CCSER1: variants seen among roughly 807,000 people sequenced by gnomAD.
CCSER1 encodes coiled-coil serine rich protein 1.
A neutral mutation model predicts 82.0 loss-of-function variants in CCSER1; 41 were observed. The observed-to-expected ratio is 0.50, with a 90% CI of 0.39 to 0.65. CCSER1 has a LOEUF of 0.65. Among genes scored for constraint, CCSER1 ranks in the 30% least tolerant of loss-of-function variants. The pLI is 0.00. For missense variants in CCSER1, 1,119 were observed against 1,064.2 expected, an observed-to-expected ratio of 1.05 and a Z score of -0.72; for synonymous variants, 414 against 383.9, an observed-to-expected ratio of 1.08 and a Z score of -0.92.
At chr4:90,553,066 G>T (rs76140039) in intron 5 of CCSER1, among the ~76,000 whole-genome samples, 4,592 of 151,954 alleles carry the variant, frequency 0.03, 100 homozygotes, top group South Asian at 0.095. Context: ...CACCTCCCGG[G>T]TTCAAGAGAT....
chr4:90,401,877 A>G (rs1299567851), intron 4 of CCSER1, among the ~76,000 whole-genome samples: 1 of 152,166 alleles, frequency 6.6e-6, no homozygotes, highest in African/African-American at 2.4e-5. Flanking sequence ...TCAAGGATGG[A>G]TTAGATAGGG....
chr4:90,796,374 TTTC>T (rs1756030010), intron 7 of CCSER1, among the ~76,000 whole-genome samples: 2 of 151,628 alleles, frequency 1.3e-5, no homozygotes, highest in African/African-American at 4.8e-5. Flanking sequence ...TATTATCTCT[TTTC>T]TTCATTAGTG....
chr4:90,837,662 T>C (rs949396142), intron 8 of CCSER1, among the ~76,000 whole-genome samples: 1 of 152,318 alleles, frequency 6.6e-6, no homozygotes, highest in South Asian at 2.1e-4. Context: ...TGTAATATTC[T>C]AAGACATTGG....
intron 5 of CCSER1, among the ~76,000 whole-genome samples, chr4:90,581,787 A>G (rs758359122): frequency 1.3e-5 from 2 of 152,120 alleles, no homozygotes; most frequent in Non-Finnish European, 2.9e-5. Context: ...TTGTTCTTTG[A>G]AAGAGAACTT....
chr4:90,480,204 G>A (rs928907435), intron 5 of CCSER1, among the ~76,000 whole-genome samples: 54 of 152,054 alleles, frequency 3.6e-4, no homozygotes, highest in African/African-American at 1.2e-3. Flanking sequence ...CATATCCTTC[G>A]ACCACTTTTT....
Position 90,733,987 on chromosome 4 carries a change from G to A in CCSER1, c.2010+9996G>A, listed in dbSNP as rs2203412. 4.6e-3 allele frequency among the ~76,000 whole-genome samples: 692 copies of A among 151,912 alleles called. 7 individuals are homozygous for A. The highest frequency in any genetic ancestry group is 0.016 in the African/African-American group (660 of 41,464). On this transcript the variant is annotated intron_variant, in intron 7 of 10. Transcript: ENST00000509176. ...CCTCCAATTTTGTTCTTTTTGCTCA[G>A]GATAGCTTTGGCTATTCTGGGTCTT... is the stretch of plus-strand genomic sequence containing the variant.
At position 90,766,649 on chromosome 4, in the gene CCSER1, AT is replaced by A. The variant is rs200292597; in HGVS notation, c.2010+42659del. 7.7e-4 allele frequency among the ~76,000 whole-genome samples: 117 copies of A among 152,160 alleles called. 1 individual carries two copies. The East Asian group carries it at 0.021, about 28-fold the overall frequency. On this transcript the variant is annotated intron_variant, in intron 7 of 10. Coordinates refer to ENST00000509176, the MANE Select transcript of CCSER1 (RefSeq NM_001145065.2). ...GAACCTGTTTCTAAAAAATAAAAAA[AT>A]ATATATATAAGCAAAATTACCTTGT...
At chr4:90,746,073 A>C (rs373599162) in intron 7 of CCSER1, among the ~76,000 whole-genome samples, 54 of 152,208 alleles carry the variant, frequency 3.5e-4, no homozygotes, top group East Asian at 3.1e-3. Flanking sequence ...GCCCAATTCA[A>C]TGCCATCTCC....
chr4:91,508,635 G>A (rs1759658509), intron 10 of CCSER1, among the ~76,000 whole-genome samples: 1 of 151,148 alleles, frequency 6.6e-6, no homozygotes, highest in Non-Finnish European at 1.5e-5. Context: ...ATTTTTGAAG[G>A]ATTTATTCCT....
chr4:91,325,196 G>A (rs1236244894), intron 10 of CCSER1: 2 of 456,054 alleles, frequency 4.4e-6, no homozygotes, highest in East Asian at 1.4e-4. Context: ...ATAGTAGGTG[G>A]CTCTTGCCAT....
chr4:90,403,876 T>A (rs1753311061), intron 4 of CCSER1: 1 of 152,122 alleles, frequency 6.6e-6, no homozygotes, highest in African/African-American at 2.4e-5. Context: ...CCTGCTTGGA[T>A]GAACAGAGCA....
chr4:91,026,886 T>C (rs2150544375), intron 9 of CCSER1, among the ~76,000 whole-genome samples: 1 of 152,134 alleles, frequency 6.6e-6, no homozygotes, highest in South Asian at 2.1e-4. Flanking sequence ...ACTGGATGCA[T>C]TTACGTAAAT....
intron 10 of CCSER1, among the ~76,000 whole-genome samples, chr4:91,430,066 T>A (rs1466371901): frequency 5.3e-5 from 8 of 152,048 alleles, no homozygotes; most frequent in Non-Finnish European, 1.2e-4. Context: ...ACATCTTATG[T>A]TGGAAAATAA....
At chr4:90,649,828 T>G (rs1728387517) in intron 6 of CCSER1, among the ~76,000 whole-genome samples, 1 of 152,148 alleles carries the variant, frequency 6.6e-6, no homozygotes, top group South Asian at 2.1e-4. Context: ...GTCAAGGGGC[T>G]GGGTGTGGTG....
intron 5 of CCSER1, among the ~76,000 whole-genome samples, chr4:90,598,397 C>G (rs1271962758): frequency 6.6e-6 from 1 of 152,100 alleles, no homozygotes; most frequent in Non-Finnish European, 1.5e-5. Context: ...TTAGGTATAT[C>G]TCCTCATGCT....
intron 1 of CCSER1, among the ~76,000 whole-genome samples, chr4:90,181,300 T>C (rs1733688156): frequency 6.6e-6 from 1 of 152,196 alleles, no homozygotes; most frequent in African/African-American, 2.4e-5. Flanking sequence ...TTTTAATTCA[T>C]ATAAAATGTC....
rs543961931 is a variant in CCSER1, at chr4:90,998,671, T to G, written c.2172+75224T>G. On this transcript the variant is annotated intron_variant, in intron 9 of 10. Transcript: ENST00000509176. Reference sequence around the variant, plus strand: ...ATTTGGGCATTATATTTTAAAAGCTTAAGTCAACTTGTCATAAATTTGCAT... The same window carrying G: ...ATTTGGGCATTATATTTTAAAAGCTGAAGTCAACTTGTCATAAATTTGCAT... Among the ~76,000 whole-genome samples, 7 of 152,250 alleles carry G rather than the reference T, an allele frequency of 4.6e-5. No homozygotes were observed. In the South Asian group the frequency reaches 1.5e-3, roughly 32 times the overall value.
At chr4:90,896,043 G>T (rs953096347) in intron 8 of CCSER1, among the ~76,000 whole-genome samples, 1 of 151,786 alleles carries the variant, frequency 6.6e-6, no homozygotes, top group African/African-American at 2.4e-5. Flanking sequence ...ACTAAACACT[G>T]GTAGATAAAA....
chr4:90,404,879 G>T (rs998653995), intron 4 of CCSER1, among the ~76,000 whole-genome samples: 1 of 152,160 alleles, frequency 6.6e-6, no homozygotes, highest in African/African-American at 2.4e-5. Flanking sequence ...ATGAGTCTCA[G>T]ATCTTCCCTC....
Sources: gnomAD v4.1 joint callset for allele counts (sites outside exome capture counted in the v4.1 genomes callset) on GRCh38, gnomAD v4.1.1 for gene constraint, MANE v1.5 for transcripts, NCBI Gene and HGNC (gene_info 2026-07-23, HGNC 2026-07-21) for gene names.